Variants in DOP1B observed in about 807,000 individuals in gnomAD.
DOP1B encodes the protein protein DOP1B.
A neutral mutation model predicts 233.5 loss-of-function variants in DOP1B; 174 were observed. The ratio of observed to expected loss-of-function variants is 0.75; its 90% confidence interval spans 0.66 to 0.85. The LOEUF is 0.85. Among genes scored for constraint, DOP1B ranks in the 40% least tolerant of loss-of-function variants. DOP1B has a pLI of 0.00. For synonymous variants in DOP1B, 1,190 were observed against 1,185.6 expected, an observed-to-expected ratio of 1.00 and a Z score of -0.08; for missense variants, 2,652 against 2,846.6, an observed-to-expected ratio of 0.93 and a Z score of 1.56.
intron 2 of DOP1B, among the ~76,000 whole-genome samples, chr21:36,186,670 C>G (rs1217895694): frequency 6.6e-6 from 1 of 152,276 alleles, no homozygotes; most frequent in African/African-American, 2.4e-5. Flanking sequence ...CCACCCCCAC[C>G]CCCGGAGTGT....
chr21:36,273,532 G>C (rs1297760634), intron 27 of DOP1B, among the ~76,000 whole-genome samples: 1 of 152,150 alleles, frequency 6.6e-6, no homozygotes, highest in African/African-American at 2.4e-5. Context: ...AGTGGGGCAG[G>C]GCCACTGTGA....
Position 36,232,818 on chromosome 21 carries a change from A to C in DOP1B, c.2365A>C (p.Ser789Arg). The C allele has an allele frequency of 6.2e-7, 1 of 1,612,442 alleles. No homozygotes were observed. Among genetic ancestry groups the C allele is most frequent in the Non-Finnish European group, 8.5e-7 (1 of 1,179,828 alleles). The change falls in exon 15 of 37, where the codon AGT (serine) becomes CGT (arginine). Residue 789 changes from serine (S) to arginine (R), a missense_variant. Physicochemically the swap from Ser to Arg is moderately radical, Grantham distance 110 (BLOSUM62 -1). Coordinates refer to ENST00000691173, the MANE Select transcript of DOP1B (RefSeq NM_001320714.2). ...LFQLPGAGDS[S>R]FPSWLKSLMT... ...CTTCCTTTCAGGAGCCGGTGATTCC[A>C]GTTTTCCATCTTGGCTGAAGTCCCT...
chr21:36,276,620 C>A (rs1313355533), intron 27 of DOP1B, among the ~76,000 whole-genome samples: 1 of 152,030 alleles, frequency 6.6e-6, no homozygotes, highest in Non-Finnish European at 1.5e-5. Flanking sequence ...GCAGGAGGAT[C>A]GCTTGAGGCC....
intron 32 of DOP1B, among the ~76,000 whole-genome samples, chr21:36,282,599 A>T (rs1467635568): frequency 6.6e-6 from 1 of 152,184 alleles, no homozygotes; most frequent in Non-Finnish European, 1.5e-5. Context: ...AGGCCAGGGA[A>T]GGGGCAAGAT....
chr21:36,216,991 C>G (rs1202789781), intron 9 of DOP1B, among the ~76,000 whole-genome samples: 2 of 149,740 alleles, frequency 1.3e-5, no homozygotes, highest in African/African-American at 2.5e-5. Context: ...ACAAGAATCA[C>G]TTGAATCTGG....
chr21:36,172,235 G>A (rs1028917043), intron 2 of DOP1B, among the ~76,000 whole-genome samples: 1 of 152,154 alleles, frequency 6.6e-6, no homozygotes, highest in African/African-American at 2.4e-5. Flanking sequence ...GAGGCTGTGA[G>A]CAAGGGAACC....
Position 36,214,133 on chromosome 21 carries a change from T to G in DOP1B, c.957T>G (p.Ser319=), listed in dbSNP as rs1399608337. 6.2e-7 allele frequency: 1 copy of G among 1,614,054 alleles called. No homozygotes were observed. Among genetic ancestry groups the G allele is most frequent in the Non-Finnish European group, 8.5e-7 (1 of 1,180,010 alleles). ...TVVPESEISN[S]YEDQSSYFFE... Reference sequence around the variant, plus strand: ...TGCCAGAATCTGAAATCTCAAATTCTTATGAAGACCAGTCGTCTTATTTTT... The same window carrying G: ...TGCCAGAATCTGAAATCTCAAATTCGTATGAAGACCAGTCGTCTTATTTTT... The change falls in exon 8 of 37, where the codon TCT becomes TCG. Residue 319 remains serine (S), a synonymous_variant. Transcript: ENST00000691173.
chr21:36,224,245 G>C (rs2066657055), intron 11 of DOP1B, among the ~76,000 whole-genome samples: 1 of 151,552 alleles, frequency 6.6e-6, no homozygotes, highest in Admixed American at 6.6e-5. Context: ...TGCCTCCCAG[G>C]TTCAAGCGAT....
intron 2 of DOP1B, among the ~76,000 whole-genome samples, chr21:36,183,885 A>G (rs2066132141): frequency 1.4e-5 from 2 of 143,436 alleles, no homozygotes; most frequent in East Asian, 2.0e-4. Flanking sequence ...TTTTTTTTAG[A>G]TGGCGTCTCA....
intron 2 of DOP1B, among the ~76,000 whole-genome samples, chr21:36,166,150 G>A (rs1487056676): frequency 1.3e-5 from 2 of 151,762 alleles, no homozygotes; most frequent in African/African-American, 2.4e-5. Context: ...TGTCTTCCAC[G>A]TGGCCAGACG....
At chr21:36,227,414 G>C (rs912763799) in intron 12 of DOP1B, among the ~76,000 whole-genome samples, 6 of 151,172 alleles carry the variant, frequency 4.0e-5, no homozygotes, top group Non-Finnish European at 8.8e-5. Context: ...GGGCGTGGTG[G>C]TGGGCACCTG....
rs773905541 is a variant in DOP1B at position 36,233,095 on chromosome 21, C to T, written c.2622+20C>T. On this transcript the variant is annotated intron_variant, in intron 15 of 36. Coordinates refer to ENST00000691173, the MANE Select transcript of DOP1B (RefSeq NM_001320714.2). ...TATCAGGTATTTCCCACTGGGAACA[C>T]TCTTCTTATGGCCTCCTTCTCCCCC... 3.1e-6 allele frequency: 5 copies of T among 1,611,272 alleles called. No homozygotes were observed. Among genetic ancestry groups the T allele is most frequent in the Non-Finnish European group, 4.2e-6 (5 of 1,178,618 alleles).
chr21:36,176,365 G>T (rs954355486), intron 2 of DOP1B, among the ~76,000 whole-genome samples: 1 of 152,060 alleles, frequency 6.6e-6, no homozygotes, highest in Non-Finnish European at 1.5e-5. Context: ...CATGCTCAGT[G>T]CCTAGAACAA....
At position 36,227,080 on chromosome 21, in the gene DOP1B, C is replaced by T. The variant is rs372285523; in HGVS notation, c.1474-606C>T. Among the ~76,000 whole-genome samples the T allele has an allele frequency of 2.3e-4, 35 of 151,198 alleles. No homozygotes were observed. The East Asian group carries it at 2.7e-3, about 12-fold the overall frequency. On this transcript the variant is annotated intron_variant, in intron 12 of 36. Transcript: ENST00000691173. ...AAAGTTAGCCGGGTGTGGTGGCGGG[C>T]GCCTGTAGTCCCAGCTACTCAGGAG...
At chr21:36,193,191 AAG>A (rs2066252912) in intron 2 of DOP1B, among the ~76,000 whole-genome samples, 1 of 152,150 alleles carries the variant, frequency 6.6e-6, no homozygotes, top group South Asian at 2.1e-4. Context: ...CCTATAACGA[AAG>A]AGAGATTAAC....
intron 2 of DOP1B, among the ~76,000 whole-genome samples, chr21:36,171,412 C>T (rs974982417): frequency 6.6e-6 from 1 of 152,116 alleles, no homozygotes; most frequent in Non-Finnish European, 1.5e-5. Context: ...GAGTCTTAAC[C>T]CTTAGTACCT....
chr21:36,284,699 A>C (rs1164338934), intron 32 of DOP1B, among the ~76,000 whole-genome samples: 2 of 152,072 alleles, frequency 1.3e-5, no homozygotes, highest in Non-Finnish European at 2.9e-5. Flanking sequence ...ATTCTGAAAC[A>C]GGGGTGTGGA....
At chr21:36,179,152 C>T (rs2066065987) in intron 2 of DOP1B, among the ~76,000 whole-genome samples, 1 of 152,194 alleles carries the variant, frequency 6.6e-6, no homozygotes, top group Non-Finnish European at 1.5e-5. Context: ...TCAAAGTTTC[C>T]TTCTTTTTTA....
chr21:36,291,614 T>A (rs1318917243), intron 35 of DOP1B, among the ~76,000 whole-genome samples: 3 of 152,070 alleles, frequency 2.0e-5, no homozygotes, highest in Admixed American at 1.3e-4. Context: ...ACATTATTTA[T>A]AATAGGCAAG....
Sources: gnomAD v4.1 joint callset for allele counts (sites outside exome capture counted in the v4.1 genomes callset) on GRCh38, gnomAD v4.1.1 for gene constraint, MANE v1.5 for transcripts, NCBI Gene and HGNC (gene_info 2026-07-23, HGNC 2026-07-21) for gene names.